Variants in PSD3 observed in about 807,000 individuals in gnomAD.
PSD3 encodes pleckstrin and Sec7 domain containing 3.
PSD3 carries 49 observed loss-of-function variants against 105.5 expected under a neutral mutation model. That is an observed-to-expected ratio of 0.46 (90% CI 0.37 to 0.59). PSD3 has a LOEUF of 0.59. Among genes scored for constraint, PSD3 ranks in the 20% least tolerant of loss-of-function variants. The pLI is 0.00. For missense variants in PSD3, 1,561 were observed against 1,263.8 expected, an observed-to-expected ratio of 1.24 and a Z score of -3.57; for synonymous variants, 557 against 457.8, an observed-to-expected ratio of 1.22 and a Z score of -2.77.
At chr8:18,624,348 T>C (rs1585421623) in intron 11 of PSD3, among the ~76,000 whole-genome samples, 2 of 151,984 alleles carry the variant, frequency 1.3e-5, no homozygotes, top group East Asian at 3.9e-4. Flanking sequence ...TGAATATCAA[T>C]AAGGTTGAAT....
At chr8:18,752,972 A>T (rs924116229) in intron 9 of PSD3, among the ~76,000 whole-genome samples, 1 of 151,878 alleles carries the variant, frequency 6.6e-6, no homozygotes, top group Admixed American at 6.6e-5. Flanking sequence ...TCCCTCTGTG[A>T]TCTTTTACAA....
chr8:18,657,476 C>T (rs1169509590), intron 9 of PSD3, among the ~76,000 whole-genome samples: 1 of 152,090 alleles, frequency 6.6e-6, no homozygotes, highest in Non-Finnish European at 1.5e-5. Flanking sequence ...TTTTTCAGGA[C>T]ATGATAGGTA....
At chr8:18,611,323 A>T (rs540494364) in intron 11 of PSD3, among the ~76,000 whole-genome samples, 1 of 152,298 alleles carries the variant, frequency 6.6e-6, no homozygotes, top group Non-Finnish European at 1.5e-5. Context: ...AAGACATGGA[A>T]TCAAAATGTG....
At chr8:18,828,435 G>A (rs1813405216) in intron 4 of PSD3, among the ~76,000 whole-genome samples, 1 of 152,070 alleles carries the variant, frequency 6.6e-6, no homozygotes, top group Middle Eastern at 3.4e-3. Context: ...TTCAAGCTTC[G>A]ATACAAGAAA....
chr8:18,656,520 C>T (rs530767300), intron 9 of PSD3, among the ~76,000 whole-genome samples: 1 of 152,210 alleles, frequency 6.6e-6, no homozygotes, highest in African/African-American at 2.4e-5. Flanking sequence ...ATAAATGTAA[C>T]ATCCCAATTC....
intron 11 of PSD3, among the ~76,000 whole-genome samples, chr8:18,628,492 T>C (rs183800370): frequency 0.013 from 1,922 of 152,000 alleles, 17 homozygotes; most frequent in Non-Finnish European, 0.02. Flanking sequence ...CCAGTGAATA[T>C]ACATTCCTAA....
intron 12 of PSD3, among the ~76,000 whole-genome samples, chr8:18,592,402 T>C (rs928879744): frequency 3.9e-5 from 6 of 151,976 alleles, no homozygotes; most frequent in African/African-American, 4.8e-5. Flanking sequence ...GACCAACACA[T>C]TATGGAAATC....
intron 1 of PSD3, among the ~76,000 whole-genome samples, chr8:19,011,956 T>C (rs1451749444): frequency 6.6e-6 from 1 of 152,202 alleles, no homozygotes; most frequent in Non-Finnish European, 1.5e-5. Context: ...AAGTAATGCA[T>C]AAAACGTGTC....
chr8:18,534,720 C>T lies in PSD3; in HGVS notation c.*1023G>A, dbSNP rs964960856. The T allele has an allele frequency of 3.3e-5, 5 of 152,374 alleles. No homozygotes were observed. The highest frequency in any genetic ancestry group is 9.7e-5 in the African/African-American group (4 of 41,424). The allele number at this position is 152,374 out of a possible 1,614,324, so 9.4% of individuals were successfully genotyped here. A position where few individuals can be genotyped will look rare whatever the true frequency, so the allele number is the denominator to read the frequency against. ...CCTTCCTTATTTTGTCTTAAGGACA[C>T]AAGAAAAGCTGTTTCATTTTAGTAT... On this transcript the variant is annotated 3_prime_UTR_variant, in exon 16 of 16. Coordinates refer to ENST00000327040, the MANE Select transcript of PSD3 (RefSeq NM_015310.4).
At chr8:18,734,463 T>C (rs1015416553) in intron 9 of PSD3, 1 of 152,204 alleles carries the variant, frequency 6.6e-6, no homozygotes, top group African/African-American at 2.4e-5. Context: ...CACAAGATGA[T>C]GGTTCAATGG....
At chr8:18,822,034 C>T (rs182812572) in intron 4 of PSD3, among the ~76,000 whole-genome samples, 5 of 152,174 alleles carry the variant, frequency 3.3e-5, no homozygotes, top group Admixed American at 1.3e-4. Context: ...ACAATAAAGA[C>T]GTAAAAGTCC....
In PSD3 at chr8:18,535,740, A is replaced by T; in HGVS notation, c.*3T>A. 1.9e-6 allele frequency: 3 copies of T among 1,602,874 alleles called. No individual in the cohort carries two copies. Among genetic ancestry groups the T allele is most frequent in the Non-Finnish European group, 2.6e-6 (3 of 1,169,932 alleles). ...ACCAGCACTTCCTGGCCGCAGATGG[A>T]CTCTAAGTAACTTTTTGCTTAATGC... On this transcript the variant is annotated 3_prime_UTR_variant, in exon 16 of 16. Transcript: ENST00000327040.
chr8:18,750,587 G>C (rs1805395570), intron 9 of PSD3, among the ~76,000 whole-genome samples: 3 of 152,060 alleles, frequency 2.0e-5, no homozygotes. Flanking sequence ...GACCCGAGTG[G>C]GTTGCCACTG....
At position 18,763,459 on chromosome 8, in the gene PSD3, T is replaced by C. The variant is rs73593588; in HGVS notation, c.2172+1990A>G. On this transcript the variant is annotated intron_variant, in intron 9 of 15. Transcript: ENST00000327040. ...TATGTATGTATCTGTGTAGCACATA[T>C]GTAACAATATTTTCCCCCAGAATTC... Among the ~76,000 whole-genome samples, 7 of 152,146 alleles carry C rather than the reference T, an allele frequency of 4.6e-5. No individual in the cohort carries two copies. In the East Asian group the frequency reaches 7.7e-4, roughly 17 times the overall value.
chr8:18,851,046 G>A (rs1373026566), intron 4 of PSD3, among the ~76,000 whole-genome samples: 1 of 152,180 alleles, frequency 6.6e-6, no homozygotes, highest in East Asian at 1.9e-4. Context: ...ACTGTTCCTT[G>A]GCCTGCGAAG....
intron 1 of PSD3, among the ~76,000 whole-genome samples, chr8:19,067,458 C>T (rs916327260): frequency 1.3e-5 from 2 of 152,168 alleles, no homozygotes; most frequent in African/African-American, 4.8e-5. Context: ...ACCAGAACAG[C>T]CCTTGGACTC....
intron 9 of PSD3, among the ~76,000 whole-genome samples, chr8:18,731,432 C>T (rs760070703): frequency 4.9e-4 from 74 of 152,172 alleles, no homozygotes; most frequent in Non-Finnish European, 6.8e-4. Flanking sequence ...AACTTAGATT[C>T]TCTATACCCT....
chr8:18,907,772 A>T (rs1275390989), intron 2 of PSD3, among the ~76,000 whole-genome samples: 1 of 152,246 alleles, frequency 6.6e-6, no homozygotes, highest in Non-Finnish European at 1.5e-5. Flanking sequence ...CCAACAGAGT[A>T]ACAACCCCGT....
chr8:19,079,218 A>G (rs953380366), intron 1 of PSD3, among the ~76,000 whole-genome samples: 1 of 152,176 alleles, frequency 6.6e-6, no homozygotes, highest in Non-Finnish European at 1.5e-5. Context: ...CCATTCTGCT[A>G]TCTCAGGCTT....
Sources: gnomAD v4.1 joint callset for allele counts (sites outside exome capture counted in the v4.1 genomes callset) on GRCh38, gnomAD v4.1.1 for gene constraint, MANE v1.5 for transcripts, NCBI Gene and HGNC (gene_info 2026-07-23, HGNC 2026-07-21) for gene names.